RIMS1: variants seen among roughly 807,000 people sequenced by gnomAD.
RIMS1 encodes the protein regulating synaptic membrane exocytosis protein 1.
A neutral mutation model predicts 214.1 loss-of-function variants in RIMS1; 83 were observed. The observed-to-expected ratio is 0.39, with a 90% confidence interval of 0.32 to 0.47. RIMS1 has a LOEUF of 0.47. Ranked by LOEUF, RIMS1 falls within the 20% of genes least tolerant of loss-of-function variation. RIMS1 has a pLI of 0.99. For missense variants in RIMS1, 2,050 were observed against 2,161.8 expected (o/e 0.95, Z 1.03); for synonymous variants, 793 against 786.8 (o/e 1.01, Z -0.13).
At chr6:72,272,111 T>G (rs1299906093) in intron 22 of RIMS1, among the ~76,000 whole-genome samples, 2 of 152,318 alleles carry the variant, frequency 1.3e-5, no homozygotes, top group East Asian at 3.9e-4. Context: ...AAGGACCGGT[T>G]TAGTTCAACT....
At chr6:72,161,430 C>A (rs1171458323) in intron 4 of RIMS1, among the ~76,000 whole-genome samples, 1 of 140,018 alleles carries the variant, frequency 7.1e-6, no homozygotes, top group African/African-American at 2.5e-5. Context: ...CTTCTGTTAG[C>A]TTTTGAATGT....
intron 2 of RIMS1, among the ~76,000 whole-genome samples, chr6:72,022,642 G>A (rs1461001976): frequency 6.6e-6 from 1 of 152,164 alleles, no homozygotes; most frequent in South Asian, 2.1e-4. Flanking sequence ...TGTTAAGTAT[G>A]TTTAAGAAGA....
At position 72,179,035 on chromosome 6, in the gene RIMS1, C is replaced by G. The variant is rs1327478332; in HGVS notation, c.472-540C>G. Reference sequence around the variant, plus strand: ...ACTAAGAAACTAGAGAAAATATACACATTGACCTTTTTTGTGTGCTTACTT... The same window carrying G: ...ACTAAGAAACTAGAGAAAATATACAGATTGACCTTTTTTGTGTGCTTACTT... On this transcript the variant is annotated intron_variant, in intron 4 of 33. Coordinates refer to ENST00000521978, the MANE Select transcript of RIMS1 (RefSeq NM_014989.7). Among the ~76,000 whole-genome samples the G allele has an allele frequency of 1.3e-5, 2 of 152,174 alleles. 1 individual carries two copies. Among genetic ancestry groups the G allele is most frequent in the Admixed American group, 1.3e-4 (2 of 15,272 alleles).
intron 2 of RIMS1, among the ~76,000 whole-genome samples, chr6:71,996,954 C>A (rs1441999646): frequency 1.3e-5 from 2 of 152,174 alleles, no homozygotes; most frequent in Non-Finnish European, 2.9e-5. Flanking sequence ...GATGTAGTAA[C>A]TGCTCTATAA....
chr6:72,056,164 GAAAACT>G (rs1289684941), intron 2 of RIMS1, among the ~76,000 whole-genome samples: 1 of 152,084 alleles, frequency 6.6e-6, no homozygotes. Flanking sequence ...CACACGAACA[GAAAACT>G]AAATACCATA....
intron 28 of RIMS1, among the ~76,000 whole-genome samples, chr6:72,316,234 G>C (rs901755724): frequency 6.6e-6 from 1 of 152,148 alleles, no homozygotes; most frequent in African/African-American, 2.4e-5. Flanking sequence ...CTTCAGGCTG[G>C]ATCTACCATT....
At chr6:72,242,503 A>T (rs2067377740) in intron 10 of RIMS1, 66 bp downstream of exon 10, 2 of 1,148,238 alleles carry the variant, frequency 1.7e-6, no homozygotes, top group Non-Finnish European at 1.2e-6. Context: ...TTTTAAAAAG[A>T]ATTTTATACA....
rs180695569 is a variant in RIMS1, at chr6:72,118,001, G to A, written c.471+18015G>A. Among the ~76,000 whole-genome samples the A allele has an allele frequency of 1.9e-4, 29 of 151,792 alleles. No individual in the cohort carries two copies. The East Asian group carries it at 5.2e-3, about 27-fold the overall frequency. On this transcript the variant is annotated intron_variant, in intron 4 of 33. Coordinates refer to ENST00000521978, the MANE Select transcript of RIMS1 (RefSeq NM_014989.7). ...AAACTAAAAATCAATTATTTAAAAA[G>A]ATATACAAAATCAATAGACCATTGG...
intron 4 of RIMS1, among the ~76,000 whole-genome samples, chr6:72,122,826 C>G (rs2153832923): frequency 6.6e-6 from 1 of 151,800 alleles, no homozygotes; most frequent in South Asian, 2.1e-4. Flanking sequence ...GGTGATATCC[C>G]CTTTATCATT....
intron 2 of RIMS1, among the ~76,000 whole-genome samples, chr6:72,031,203 G>A (rs1188867870): frequency 6.6e-6 from 1 of 152,120 alleles, no homozygotes; most frequent in Non-Finnish European, 1.5e-5. Context: ...TAAGATGACA[G>A]CTTGAAGCTA....
Position 72,128,510 on chromosome 6 carries a change from C to T in RIMS1, c.471+28524C>T, listed in dbSNP as rs142803742. Among the ~76,000 whole-genome samples the T allele has an allele frequency of 8.4e-3, 1,272 of 152,242 alleles. 18 individuals are homozygous for T. The highest frequency in any genetic ancestry group is 0.029 in the African/African-American group (1,211 of 41,538). On this transcript the variant is annotated intron_variant, in intron 4 of 33. Coordinates refer to ENST00000521978, the MANE Select transcript of RIMS1 (RefSeq NM_014989.7). ...TCCTCTTAAAAGTGTTACCACATTTCCCAGGACATGACTAGCTAACCACGA... is the reference window on the plus strand; with the variant it reads ...TCCTCTTAAAAGTGTTACCACATTTTCCAGGACATGACTAGCTAACCACGA...
intron 30 of RIMS1, chr6:72,390,955 C>G (rs984428847): frequency 7.1e-6 from 3 of 422,468 alleles, no homozygotes; most frequent in Non-Finnish European, 1.2e-5. Flanking sequence ...AATTCTGAGT[C>G]CACATGAACA....
rs2044546601 is a variant in RIMS1, at chr6:72,157,178, GA to G, written c.472-22393del. Reference sequence around the variant, plus strand: ...TTTAGACTCTCTTTATACAATTCTGGAAAACCTTTTCGGGATTTATGTGTCA... The same window carrying G: ...TTTAGACTCTCTTTATACAATTCTGGAAACCTTTTCGGGATTTATGTGTCA... On this transcript the variant is annotated intron_variant, in intron 4 of 33. Coordinates refer to ENST00000521978, the MANE Select transcript of RIMS1 (RefSeq NM_014989.7). 1.4e-5 allele frequency among the ~76,000 whole-genome samples: 2 copies of G among 140,466 alleles called. 1 individual carries two copies. Among genetic ancestry groups the G allele is most frequent in the Non-Finnish European group, 3.2e-5 (2 of 61,704 alleles). The allele number at this position is 140,466 out of a possible 152,430, so 92.2% of individuals were successfully genotyped here.
intron 2 of RIMS1, among the ~76,000 whole-genome samples, chr6:72,008,972 G>A (rs1204454): frequency 0.56 from 84,934 of 151,848 alleles, 24,057 homozygotes; most frequent in Non-Finnish European, 0.61. Flanking sequence ...CACCAAGCGG[G>A]CCTAAAAGAC....
chr6:72,058,089 T>A (rs939411988), intron 2 of RIMS1, among the ~76,000 whole-genome samples: 2 of 152,216 alleles, frequency 1.3e-5, no homozygotes, highest in Non-Finnish European at 2.9e-5. Flanking sequence ...TGAAGGTGGA[T>A]ATAAAGTTGT....
At chr6:72,337,460 C>G (rs2096880532) in intron 29 of RIMS1, among the ~76,000 whole-genome samples, 1 of 151,744 alleles carries the variant, frequency 6.6e-6, no homozygotes, top group South Asian at 2.1e-4. Flanking sequence ...AATATGTCTA[C>G]ATTTCTAGAG....
chr6:72,400,140 TTTATGGTCCTGTACATCGCTAA>T (rs1226198581), intron 33 of RIMS1, among the ~76,000 whole-genome samples: 8 of 152,316 alleles, frequency 5.3e-5, no homozygotes, highest in African/African-American at 1.9e-4. Context: ...TTTTTAGATT[TTTATGGTCCTGTACATCGCTAA>T]TTAGATAGTA....
At chr6:72,149,083 T>TTG (rs1456488696) in intron 4 of RIMS1, among the ~76,000 whole-genome samples, 3 of 152,080 alleles carry the variant, frequency 2.0e-5, no homozygotes, top group Non-Finnish European at 2.9e-5. Flanking sequence ...AAAAAACAGC[T>TTG]TAAGTGCCTG....
chr6:72,208,051 A>G (rs1249764466), intron 6 of RIMS1, among the ~76,000 whole-genome samples: 1 of 152,158 alleles, frequency 6.6e-6, no homozygotes, highest in Admixed American at 6.5e-5. Flanking sequence ...CGGAAATGGC[A>G]ATTTTTTAAC....
Sources: allele counts gnomAD v4.1 joint callset (sites outside exome capture counted in the v4.1 genomes callset), GRCh38; gene constraint gnomAD v4.1.1; transcripts MANE v1.5; gene names NCBI Gene and HGNC (gene_info 2026-07-23, HGNC 2026-07-21).